Variants in DCDC2 observed in about 807,000 individuals in gnomAD.
The protein encoded by DCDC2 is doublecortin domain containing 2, also known as doublecortin domain-containing protein 2.
DCDC2 carries 40 observed loss-of-function variants against 50.2 expected under a neutral mutation model. The ratio of observed to expected loss-of-function variants is 0.80; its 90% confidence interval spans 0.62 to 1.04. The LOEUF is 1.04. Among genes scored for constraint, DCDC2 ranks in the 50% least tolerant of loss-of-function variants. The probability of loss-of-function intolerance (pLI) is 0.00; values close to 1 mark genes in which losing one functional copy is unlikely to be tolerated. For missense variants in DCDC2, 570 were observed against 581.9 expected (o/e 0.98, Z 0.21); for synonymous variants, 234 against 210.6 (o/e 1.11, Z -0.96).
chr6:24,218,206 T>C (rs1263547290), intron 7 of DCDC2, among the ~76,000 whole-genome samples: 1 of 152,076 alleles, frequency 6.6e-6, no homozygotes, highest in African/African-American at 2.4e-5. Flanking sequence ...GGAAAAGAGA[T>C]CTCAGTAGCC....
intron 6 of DCDC2, among the ~76,000 whole-genome samples, chr6:24,282,255 G>T (rs994158555): frequency 2.0e-5 from 3 of 149,538 alleles, no homozygotes; most frequent in Admixed American, 1.3e-4. Context: ...TTTTTGTTTT[G>T]TTTTTTTTTG....
At chr6:24,299,986 T>C (rs1759336873) in intron 4 of DCDC2, among the ~76,000 whole-genome samples, 1 of 152,016 alleles carries the variant, frequency 6.6e-6, no homozygotes, top group African/African-American at 2.4e-5. Context: ...AATAGAGGTA[T>C]CTGTGCTGAT....
intron 7 of DCDC2, 185 bp from the exon 8 acceptor site, chr6:24,205,287 G>C: frequency 6.5e-7 from 1 of 1,549,868 alleles, no homozygotes; most frequent in Non-Finnish European, 8.7e-7. Context: ...TTTTCATTGA[G>C]AAAACATTCA....
At position 24,327,551 on chromosome 6, in the gene DCDC2, G is replaced by A. The variant is rs1226348304; in HGVS notation, c.349-25507C>T. Among the ~76,000 whole-genome samples the A allele has an allele frequency of 1.5e-5, 2 of 131,422 alleles. 1 individual carries two copies. The highest frequency in any genetic ancestry group is 3.5e-5 in the Non-Finnish European group (2 of 57,618). The allele number at this position is 131,422 out of a possible 152,430, so 86.2% of individuals were successfully genotyped here. ...TACAAGGGCCCAATCTTGGCTCACT[G>A]CAACCTCCGCCTCCCGGGTTCAAGC... On this transcript the variant is annotated intron_variant, in intron 2 of 9. Coordinates refer to ENST00000378454, the MANE Select transcript of DCDC2 (RefSeq NM_016356.5).
At chr6:24,293,911 A>C (rs535829109) in intron 4 of DCDC2, among the ~76,000 whole-genome samples, 1 of 152,354 alleles carries the variant, frequency 6.6e-6, no homozygotes, top group South Asian at 2.1e-4. Flanking sequence ...GGAAATTAAA[A>C]AACTTGCTCC....
intron 4 of DCDC2, among the ~76,000 whole-genome samples, chr6:24,296,736 A>C (rs1759256253): frequency 6.6e-6 from 1 of 152,250 alleles, no homozygotes; most frequent in Non-Finnish European, 1.5e-5. Context: ...TTATCACTAG[A>C]GAAATGCAAA....
intron 2 of DCDC2, among the ~76,000 whole-genome samples, chr6:24,333,276 C>A (rs1433074872): frequency 1.3e-5 from 2 of 152,074 alleles, no homozygotes; most frequent in African/African-American, 4.8e-5. Context: ...AGAGAAAAAA[C>A]ATACTCCACT....
At chr6:24,266,749 G>T (rs939653524) in intron 7 of DCDC2, among the ~76,000 whole-genome samples, 1 of 152,078 alleles carries the variant, frequency 6.6e-6, no homozygotes, top group East Asian at 1.9e-4. Context: ...CAGTATGGAG[G>T]TTCCTCAAAA....
intron 8 of DCDC2, among the ~76,000 whole-genome samples, chr6:24,200,056 G>A (rs12192874): frequency 0.15 from 23,146 of 152,112 alleles, 1,955 homozygotes; most frequent in African/African-American, 0.19. Flanking sequence ...AAAGTGATAG[G>A]GAGAATGAAA....
intron 7 of DCDC2, among the ~76,000 whole-genome samples, chr6:24,250,818 G>A (rs140239176): frequency 2.0e-4 from 31 of 152,018 alleles, no homozygotes; most frequent in African/African-American, 6.3e-4. Flanking sequence ...TACATAGCAT[G>A]ATGATGCAAA....
At chr6:24,216,553 T>C (rs1208282802) in intron 7 of DCDC2, among the ~76,000 whole-genome samples, 2 of 152,188 alleles carry the variant, frequency 1.3e-5, no homozygotes, top group Non-Finnish European at 2.9e-5. Flanking sequence ...TTCAAGATGA[T>C]TGGCTGTGAA....
At chr6:24,331,179 G>T (rs938653928) in intron 2 of DCDC2, among the ~76,000 whole-genome samples, 1 of 152,120 alleles carries the variant, frequency 6.6e-6, no homozygotes, top group African/African-American at 2.4e-5. Context: ...TGGTAACAAT[G>T]TATAATTCCC....
the DCDC2 span, among the ~76,000 whole-genome samples, chr6:24,376,737 C>CAAAAAA: frequency 9.2e-4 from 43 of 46,744 alleles, no homozygotes; most frequent in African/African-American, 3.9e-3. Context: ...CAGGTATATG[C>CAAAAAA]AAAAAAAAAA....
At chr6:24,333,894 G>A (rs1006544487) in intron 2 of DCDC2, among the ~76,000 whole-genome samples, 3 of 152,152 alleles carry the variant, frequency 2.0e-5, no homozygotes, top group Non-Finnish European at 4.4e-5. Context: ...TTCAGAAACA[G>A]GAGTTATAAC....
At chr6:24,351,207 A>G (rs1760363486) in intron 2 of DCDC2, among the ~76,000 whole-genome samples, 1 of 152,220 alleles carries the variant, frequency 6.6e-6, no homozygotes, top group Non-Finnish European at 1.5e-5. Context: ...CAATGAAAGT[A>G]GGGGCTGCCT....
rs142853113 is a variant in DCDC2, at chr6:24,235,546, A to G, written c.923-30444T>C. Among the ~76,000 whole-genome samples, 42 of 152,280 alleles carry G rather than the reference A, an allele frequency of 2.8e-4. No individual in the cohort carries two copies. The East Asian group carries it at 6.9e-3, about 25-fold the overall frequency. On this transcript the variant is annotated intron_variant, in intron 7 of 9. Coordinates refer to ENST00000378454, the MANE Select transcript of DCDC2 (RefSeq NM_016356.5). ...ACATAAACAGAATTAAGAACAAAAA[A>G]CCATATGATCATCTCAATAGATAAA...
intron 6 of DCDC2, among the ~76,000 whole-genome samples, chr6:24,286,786 A>C (rs1763620945): frequency 6.6e-6 from 1 of 151,998 alleles, no homozygotes; most frequent in South Asian, 2.1e-4. Flanking sequence ...TAGAACTACC[A>C]TTTTCTCAAA....
the DCDC2 span, among the ~76,000 whole-genome samples, chr6:24,378,142 G>C: frequency 6.6e-6 from 1 of 152,212 alleles, no homozygotes; most frequent in Non-Finnish European, 1.5e-5. Flanking sequence ...ACCAGACCCA[G>C]TAAAAATACA....
chr6:24,198,419 C>T (rs569607395), intron 8 of DCDC2, among the ~76,000 whole-genome samples: 1 of 152,296 alleles, frequency 6.6e-6, no homozygotes, highest in Non-Finnish European at 1.5e-5. Flanking sequence ...AACTCACTCC[C>T]CTAGCCAAGG....
Sources: allele counts gnomAD v4.1 joint callset (sites outside exome capture counted in the v4.1 genomes callset), GRCh38; gene constraint gnomAD v4.1.1; transcripts MANE v1.5; gene names NCBI Gene and HGNC (gene_info 2026-07-23, HGNC 2026-07-21).